ACOXL: variants seen among roughly 807,000 people sequenced by gnomAD.
ACOXL encodes acyl-coenzyme A oxidase-like protein.
A neutral mutation model predicts 71.9 loss-of-function variants in ACOXL; 70 were observed. The observed-to-expected ratio is 0.97, with a 90% CI of 0.80 to 1.19. The LOEUF (loss-of-function observed/expected upper bound fraction) is 1.19, where lower values mean the gene tolerates loss of function less well. ACOXL is among the 50% of genes most tolerant of loss of function. The pLI is 0.00. For missense variants in ACOXL, 703 were observed against 736.3 expected, an observed-to-expected ratio of 0.95 and a Z score of 0.52; for synonymous variants, 253 against 281.6, an observed-to-expected ratio of 0.90 and a Z score of 1.02.
At chr2:110,914,052 T>C (rs2059748109) in intron 11 of ACOXL, among the ~76,000 whole-genome samples, 1 of 152,200 alleles carries the variant, frequency 6.6e-6, no homozygotes, top group Admixed American at 6.5e-5. Context: ...TTTTGGGTGA[T>C]GAAAATATTC....
intron 14 of ACOXL, among the ~76,000 whole-genome samples, chr2:111,017,705 A>G (rs151046186): frequency 3.0e-4 from 46 of 152,272 alleles, no homozygotes; most frequent in African/African-American, 1.1e-3. Flanking sequence ...GTGGAGAACC[A>G]TGGCCACTTA....
At chr2:110,739,398 A>G (rs1321608107) in intron 1 of ACOXL, among the ~76,000 whole-genome samples, 1 of 152,244 alleles carries the variant, frequency 6.6e-6, no homozygotes, top group Non-Finnish European at 1.5e-5. Flanking sequence ...CTCTCCATGC[A>G]CAACGTGAGG....
chr2:110,802,310 G>A (rs1196938894), intron 8 of ACOXL, among the ~76,000 whole-genome samples: 1 of 152,152 alleles, frequency 6.6e-6, no homozygotes, highest in East Asian at 1.9e-4. Flanking sequence ...GGTGTGTTCT[G>A]GGGGTGGAGC....
At position 110,779,089 on chromosome 2, in the gene ACOXL, A is replaced by G. The variant is rs557242172; in HGVS notation, c.76-5643A>G. Among the ~76,000 whole-genome samples, 24 of 152,354 alleles carry G rather than the reference A, an allele frequency of 1.6e-4. No individual in the cohort carries two copies. In the South Asian group the frequency reaches 3.7e-3, roughly 24 times the overall value. ...TTGTGGCAATAATTTGGAAAATCCT[A>G]CACTGTCAGGGTCCTGCAATAATGT... On this transcript the variant is annotated intron_variant, in intron 2 of 17. Transcript: ENST00000439055.
At chr2:110,871,344 C>T (rs752228916) in intron 10 of ACOXL, among the ~76,000 whole-genome samples, 10 of 152,166 alleles carry the variant, frequency 6.6e-5, no homozygotes, top group Non-Finnish European at 1.3e-4. Flanking sequence ...TGATACTCCA[C>T]AGACCTTGCT....
intron 9 of ACOXL, among the ~76,000 whole-genome samples, chr2:110,837,976 C>T (rs768518887): frequency 1.3e-5 from 2 of 152,212 alleles, no homozygotes; most frequent in Non-Finnish European, 2.9e-5. Context: ...CCTCTCTCTT[C>T]TGGATCCCTG....
intron 14 of ACOXL, among the ~76,000 whole-genome samples, chr2:111,009,327 A>T (rs1488901124): frequency 1.3e-5 from 2 of 152,092 alleles, no homozygotes; most frequent in Non-Finnish European, 2.9e-5. Context: ...CAGCCTGGCC[A>T]ACATGGTGAA....
At chr2:110,963,579 GTGTGT>G (rs1473299884) in intron 12 of ACOXL, 2 of 1,177,944 alleles carry the variant, frequency 1.7e-6, no homozygotes, top group Non-Finnish European at 2.4e-6. Flanking sequence ...GTGTGTGTGT[GTGTGT>G]GTGTGTGTGT....
chr2:111,065,875 C>T (rs1026822849), intron 16 of ACOXL, among the ~76,000 whole-genome samples: 11 of 152,102 alleles, frequency 7.2e-5, no homozygotes, highest in Admixed American at 3.9e-4. Context: ...AGTGATAACA[C>T]GTAATGCAAG....
intron 17 of ACOXL, among the ~76,000 whole-genome samples, chr2:111,103,003 C>T (rs1378544641): frequency 1.3e-5 from 2 of 152,116 alleles, no homozygotes; most frequent in African/African-American, 2.4e-5. Flanking sequence ...AAAGATAGCA[C>T]ATAGGGGCCA....
intron 2 of ACOXL, among the ~76,000 whole-genome samples, chr2:110,783,265 G>C (rs1683561997): frequency 6.6e-6 from 1 of 152,148 alleles, no homozygotes; most frequent in South Asian, 2.1e-4. Context: ...CCCTCTAAAA[G>C]AGTCTGCAAC....
At chr2:110,898,735 G>A (rs191201548) in intron 10 of ACOXL, among the ~76,000 whole-genome samples, 133 of 152,264 alleles carry the variant, frequency 8.7e-4, no homozygotes, top group Admixed American at 8.0e-3. Flanking sequence ...GGAAGTTGTA[G>A]CCAGTGCAAT....
At chr2:111,047,225 G>A (rs2066059297) in intron 15 of ACOXL, among the ~76,000 whole-genome samples, 1 of 152,148 alleles carries the variant, frequency 6.6e-6, no homozygotes, top group Admixed American at 6.5e-5. Context: ...ACTTGAAGTG[G>A]GTGCTATGTC....
intron 11 of ACOXL, among the ~76,000 whole-genome samples, chr2:110,928,571 T>A (rs1396184314): frequency 3.3e-5 from 5 of 152,254 alleles, no homozygotes; most frequent in Non-Finnish European, 7.3e-5. Context: ...GTTTGGTCTT[T>A]TTATACAAAA....
chr2:111,092,821 A>G (rs1265463465), intron 16 of ACOXL, 44 bp from the exon 17 acceptor site: 1 of 1,342,586 alleles, frequency 7.4e-7, no homozygotes, highest in East Asian at 2.3e-5. Context: ...GTTTTCTAAT[A>G]TATTGCTATT....
At chr2:110,737,677 C>T (rs1010184375) in intron 1 of ACOXL, among the ~76,000 whole-genome samples, 1 of 152,188 alleles carries the variant, frequency 6.6e-6, no homozygotes, top group Non-Finnish European at 1.5e-5. Flanking sequence ...TCCACTCGTC[C>T]CACTGTGATC....
chr2:110,969,985 A>G (rs1171544390), intron 12 of ACOXL, among the ~76,000 whole-genome samples: 2 of 152,140 alleles, frequency 1.3e-5, no homozygotes, highest in African/African-American at 4.8e-5. Context: ...TAATAATAAT[A>G]TAAAAGCTCC....
intron 3 of ACOXL, among the ~76,000 whole-genome samples, chr2:110,792,297 G>T (rs978771833): frequency 1.3e-5 from 2 of 152,154 alleles, no homozygotes; most frequent in Non-Finnish European, 2.9e-5. Context: ...GCTAGGAGGG[G>T]GAAGGAACTC....
chr2:110,748,160 T>A (rs1174557934), intron 1 of ACOXL, among the ~76,000 whole-genome samples: 1 of 152,184 alleles, frequency 6.6e-6, no homozygotes, highest in Non-Finnish European at 1.5e-5. Flanking sequence ...TCCTCTGTCT[T>A]CTATGCTAGA....
Sources: gnomAD v4.1 joint callset for allele counts (sites outside exome capture counted in the v4.1 genomes callset) on GRCh38, gnomAD v4.1.1 for gene constraint, MANE v1.5 for transcripts, NCBI Gene and HGNC (gene_info 2026-07-23, HGNC 2026-07-21) for gene names.